The following GABRA3 variants were observed in gnomAD, a reference collection of about 807,000 sequenced individuals.
GABRA3 encodes the protein gamma-aminobutyric acid receptor subunit alpha-3.
GABRA3 carries 10 observed loss-of-function variants against 30.1 expected under a neutral mutation model. The observed-to-expected ratio is 0.33, with a 90% confidence interval of 0.20 to 0.56. GABRA3 has a LOEUF of 0.56. Among genes scored for constraint, GABRA3 ranks in the 20% least tolerant of loss-of-function variants. The pLI, the probability that GABRA3 is intolerant of heterozygous loss-of-function variation, is 0.89. For synonymous variants in GABRA3, 151 were observed against 146.8 expected (o/e 1.03, Z -0.21); for missense variants, 233 against 392.0 (o/e 0.59, Z 3.42).
intron 4 of GABRA3, among the ~76,000 whole-genome samples, chrX:152,278,330 A>T (rs1406116743): frequency 1.9e-5 from 2 of 105,137 alleles, no homozygotes; most frequent in African/African-American, 3.5e-5. Context: ...TCATTGTTCA[A>T]TTCCCACCTA....
chrX:152,432,641 T>TG (rs1455127347), intron 1 of GABRA3, among the ~76,000 whole-genome samples: 1 of 110,561 alleles, frequency 9.0e-6, no homozygotes. Flanking sequence ...CTGCATACAA[T>TG]AAAAAAAGAA....
intron 3 of GABRA3, among the ~76,000 whole-genome samples, chrX:152,328,385 A>G (rs1238401048): frequency 9.0e-6 from 1 of 111,613 alleles, no homozygotes; most frequent in Non-Finnish European, 1.9e-5. Flanking sequence ...AGCCTGGCAG[A>G]GACACAACAA....
chrX:152,249,333 C>A (rs762774637), intron 5 of GABRA3, among the ~76,000 whole-genome samples: 2 of 111,284 alleles, frequency 1.8e-5, no homozygotes, highest in Non-Finnish European at 3.8e-5. Context: ...TCCTCAAAAC[C>A]TAATTTAGTG....
chrX:152,310,926 C>T (rs775226174), intron 3 of GABRA3, among the ~76,000 whole-genome samples: 6 of 111,058 alleles, frequency 5.4e-5, no homozygotes, highest in South Asian at 7.6e-4. Flanking sequence ...GAGACTATTA[C>T]GAGCACCTCT....
intron 4 of GABRA3, among the ~76,000 whole-genome samples, chrX:152,260,470 G>A (rs12557352): frequency 0.017 from 1,878 of 111,376 alleles, 20 homozygotes; most frequent in Non-Finnish European, 0.022. Context: ...ACCCAGCACA[G>A]TCATAGTGGT....
intron 1 of GABRA3, among the ~76,000 whole-genome samples, chrX:152,372,166 GA>G (rs201468751): frequency 7.3e-5 from 8 of 110,180 alleles, no homozygotes; most frequent in East Asian, 5.8e-4. Flanking sequence ...GGGGTTTTTA[GA>G]AAAAAAAATA....
chrX:152,296,506 G>C (rs1328348772), intron 3 of GABRA3, among the ~76,000 whole-genome samples: 1 of 111,433 alleles, frequency 9.0e-6, no homozygotes, highest in Non-Finnish European at 1.9e-5. Context: ...GATTGTATCA[G>C]AAGTCCTGAG....
intron 4 of GABRA3, among the ~76,000 whole-genome samples, chrX:152,258,119 C>T (rs1222359671): frequency 9.0e-6 from 1 of 111,227 alleles, no homozygotes; most frequent in Non-Finnish European, 1.9e-5. Flanking sequence ...AGAGCCCCTC[C>T]AAGGACTTCA....
chrX:152,239,510 C>G (rs2124399592), intron 5 of GABRA3, among the ~76,000 whole-genome samples: 1 of 92,738 alleles, frequency 1.1e-5, no homozygotes, highest in African/African-American at 4.2e-5. Context: ...TCTATTAGGT[C>G]CACTTGGTGC....
chrX:152,316,400 GAAGAA>G (rs753251806), intron 3 of GABRA3, among the ~76,000 whole-genome samples: 221 of 111,860 alleles, frequency 2.0e-3, no homozygotes, highest in African/African-American at 6.7e-3. Flanking sequence ...CATTCCTGAG[GAAGAA>G]AAGAAATTTA....
At chrX:152,172,808 G>A (rs954059097) in intron 9 of GABRA3, among the ~76,000 whole-genome samples, 3 of 111,560 alleles carry the variant, frequency 2.7e-5, no homozygotes, top group Non-Finnish European at 5.6e-5. Context: ...AAAGGAATGG[G>A]GAGTTGTTGT....
intron 8 of GABRA3, among the ~76,000 whole-genome samples, chrX:152,195,788 A>G (rs940287248): frequency 9.0e-6 from 1 of 111,486 alleles, no homozygotes; most frequent in African/African-American, 3.3e-5. Context: ...CCATCTCAAG[A>G]TCTTTTATTT....
intron 1 of GABRA3, among the ~76,000 whole-genome samples, chrX:152,433,540 G>A (rs1930699815): frequency 9.1e-6 from 1 of 109,367 alleles, no homozygotes; most frequent in East Asian, 2.8e-4. Context: ...AGTGCAGATA[G>A]GGGTAGTTAC....
chrX:152,239,630 A>C (rs1244172283), intron 5 of GABRA3, among the ~76,000 whole-genome samples: 2 of 90,991 alleles, frequency 2.2e-5, no homozygotes, highest in East Asian at 7.9e-4. Context: ...TGGGAGTCTA[A>C]GTCTCTTTGT....
chrX:152,281,263 C>A lies in GABRA3; in HGVS notation c.330+3405G>T, dbSNP rs755512365. The stretch of plus-strand genomic sequence containing the variant: ...TTGCCATTTCCACCCTCTTCCTATA[C>A]ATCTGATGGAGAAAATGGTCTAAAC... On this transcript the variant is annotated intron_variant, in intron 4 of 9. Transcript: ENST00000370314. 7.2e-5 allele frequency among the ~76,000 whole-genome samples: 8 copies of A among 111,838 alleles called. No homozygotes were observed. In the East Asian group the frequency reaches 2.0e-3, roughly 28 times the overall value.
intron 3 of GABRA3, among the ~76,000 whole-genome samples, chrX:152,289,855 C>T (rs983106861): frequency 1.0e-3 from 117 of 111,816 alleles, no homozygotes; most frequent in African/African-American, 3.5e-3. Flanking sequence ...CTCATCCTTT[C>T]TTTATGGCTG....
At chrX:152,328,993 T>C (rs1402589309) in intron 3 of GABRA3, among the ~76,000 whole-genome samples, 3 of 112,141 alleles carry the variant, frequency 2.7e-5, no homozygotes, top group Non-Finnish European at 5.6e-5. Context: ...ATAAGCAACT[T>C]CAGCAAAGTC....
At chrX:152,334,395 T>A (rs145485898) in intron 3 of GABRA3, among the ~76,000 whole-genome samples, 125 of 111,935 alleles carry the variant, frequency 1.1e-3, no homozygotes, top group African/African-American at 3.9e-3. Context: ...GCATCCATAT[T>A]GCACAGGAAG....
intron 3 of GABRA3, among the ~76,000 whole-genome samples, chrX:152,290,288 T>C (rs1939382399): frequency 1.8e-5 from 2 of 112,465 alleles, no homozygotes; most frequent in South Asian, 7.4e-4. Context: ...TTTTCATGTG[T>C]CTGTTGGCTG....
Sources: allele counts gnomAD v4.1 joint callset (sites outside exome capture counted in the v4.1 genomes callset), GRCh38; gene constraint gnomAD v4.1.1; transcripts MANE v1.5; gene names NCBI Gene and HGNC (gene_info 2026-07-23, HGNC 2026-07-21).